Variants in KCNIP4 observed in about 807,000 individuals in gnomAD.
KCNIP4 encodes potassium voltage-gated channel interacting protein 4, also known as Kv channel-interacting protein 4.
A neutral mutation model predicts 34.0 loss-of-function variants in KCNIP4; 12 were observed. The ratio of observed to expected loss-of-function variants is 0.35; its 90% CI spans 0.23 to 0.57. The LOEUF (loss-of-function observed/expected upper bound fraction) is 0.57. KCNIP4 is among the 20% of genes least tolerant of loss of function. KCNIP4 has a pLI of 0.83. For synonymous variants in KCNIP4, 124 were observed against 102.2 expected, an observed-to-expected ratio of 1.21 and a Z score of -1.29; for missense variants, 238 against 311.7, an observed-to-expected ratio of 0.76 and a Z score of 1.78.
intron 3 of KCNIP4, among the ~76,000 whole-genome samples, chr4:20,790,597 A>G (rs1474962809): frequency 6.6e-6 from 1 of 152,034 alleles, no homozygotes; most frequent in Non-Finnish European, 1.5e-5. Context: ...TAAAAACCAT[A>G]ACATAAACAC....
rs74981010 is a variant in KCNIP4 at position 21,562,576 on chromosome 4, A to C, written c.61+385995T>G. ...TCGTGGTAACTTGATGACTTTTATT[A>C]TCAGAACCAAATAAAGAACACATGT... On this transcript the variant is annotated intron_variant, in intron 1 of 8. Coordinates refer to ENST00000382152, the MANE Select transcript of KCNIP4 (RefSeq NM_025221.6). Among the ~76,000 whole-genome samples, 685 of 152,186 alleles carry C rather than the reference A, an allele frequency of 4.5e-3. 4 individuals are homozygous for C. The highest frequency in any genetic ancestry group is 0.015 in the African/African-American group (609 of 41,552).
At chr4:21,603,327 C>T (rs923104582) in intron 1 of KCNIP4, among the ~76,000 whole-genome samples, 1 of 151,466 alleles carries the variant, frequency 6.6e-6, no homozygotes, top group Non-Finnish European at 1.5e-5. Flanking sequence ...TTTATTCAGA[C>T]TTTTTGAGTA....
intron 1 of KCNIP4, among the ~76,000 whole-genome samples, chr4:21,378,148 A>G (rs747424359): frequency 2.6e-5 from 4 of 152,164 alleles, no homozygotes; most frequent in Non-Finnish European, 4.4e-5. Context: ...CTCTCAGTCA[A>G]TCATCAAGTT....
At chr4:21,290,907 G>A (rs1021563338) in intron 1 of KCNIP4, among the ~76,000 whole-genome samples, 1 of 152,178 alleles carries the variant, frequency 6.6e-6, no homozygotes, top group Admixed American at 6.5e-5. Context: ...TGTAAGCTAA[G>A]CACTTCATGT....
intron 1 of KCNIP4, among the ~76,000 whole-genome samples, chr4:21,644,469 C>A (rs1450934564): frequency 1.3e-5 from 2 of 152,150 alleles, no homozygotes; most frequent in Non-Finnish European, 1.5e-5. Context: ...ATAATCTTGG[C>A]AATAAGACTT....
chr4:20,774,077 A>G (rs1414289157), intron 3 of KCNIP4, among the ~76,000 whole-genome samples: 1 of 152,182 alleles, frequency 6.6e-6, no homozygotes, highest in Non-Finnish European at 1.5e-5. Context: ...ATACTACCCT[A>G]TCTGGAGGTT....
intron 1 of KCNIP4, among the ~76,000 whole-genome samples, chr4:21,904,514 T>C (rs978052501): frequency 6.6e-6 from 1 of 152,202 alleles, no homozygotes; most frequent in Non-Finnish European, 1.5e-5. Flanking sequence ...ATCTGGCTGA[T>C]TGAACCAGTG....
intron 1 of KCNIP4, among the ~76,000 whole-genome samples, chr4:21,343,946 G>C (rs909089631): frequency 6.6e-6 from 1 of 151,914 alleles, no homozygotes; most frequent in Admixed American, 6.6e-5. Flanking sequence ...TACCAATACT[G>C]GTAAAAGTCA....
At chr4:21,631,619 C>G (rs1015705596) in intron 1 of KCNIP4, among the ~76,000 whole-genome samples, 14 of 152,076 alleles carry the variant, frequency 9.2e-5, no homozygotes, top group African/African-American at 3.4e-4. Context: ...GTATAAAAAC[C>G]CTCTGCTATG....
chr4:21,526,924 A>G (rs1453327610), intron 1 of KCNIP4, among the ~76,000 whole-genome samples: 2 of 152,306 alleles, frequency 1.3e-5, no homozygotes, highest in East Asian at 1.9e-4. Flanking sequence ...TATCAGATAT[A>G]ACCCACAACA....
Position 21,467,051 on chromosome 4 carries a change from C to A in KCNIP4, c.61+481520G>T, listed in dbSNP as rs528840251. 6.0e-3 allele frequency among the ~76,000 whole-genome samples: 845 copies of A among 141,118 alleles called. 12 individuals carry two copies. Among genetic ancestry groups the A allele is most frequent in the South Asian group, 9.2e-3 (39 of 4,246 alleles). 92.6% of individuals were successfully genotyped at this position (141,118 alleles called of 152,430 possible). ...TGAAAAAAATGTGACAAACCAAAAC[C>A]AAACCAAACCAAACCAAAACAAACA... On this transcript the variant is annotated intron_variant, in intron 1 of 8. Transcript: ENST00000382152.
intron 1 of KCNIP4, among the ~76,000 whole-genome samples, chr4:21,030,818 C>T (rs980435355): frequency 5.9e-5 from 9 of 152,050 alleles, no homozygotes; most frequent in East Asian, 1.9e-4. Flanking sequence ...ATTTGTGTAG[C>T]GGAACGAGGA....
intron 1 of KCNIP4, among the ~76,000 whole-genome samples, chr4:21,143,830 G>A (rs1178360544): frequency 5.3e-5 from 8 of 151,540 alleles, no homozygotes; most frequent in African/African-American, 1.9e-4. Flanking sequence ...AGCCTCCTGA[G>A]TAGCTGGGAT....
chr4:21,772,037 C>A (rs989346304), intron 1 of KCNIP4, among the ~76,000 whole-genome samples: 1 of 152,092 alleles, frequency 6.6e-6, no homozygotes, highest in Non-Finnish European at 1.5e-5. Flanking sequence ...TTTGCCCATT[C>A]AATATGATAT....
At chr4:20,955,200 T>G (rs934301706) in intron 1 of KCNIP4, among the ~76,000 whole-genome samples, 2 of 152,204 alleles carry the variant, frequency 1.3e-5, no homozygotes, top group African/African-American at 4.8e-5. Context: ...CCCTTCTGAC[T>G]AGCTTCTATG....
chr4:20,969,455 C>T lies in KCNIP4; in HGVS notation c.62-86746G>A, dbSNP rs542653225. Reference sequence around the variant, plus strand: ...AGTGAATCCTAATCAATAGCCTGTCCTGACACTGCAGTGACCCAAACCCCC... The same window carrying T: ...AGTGAATCCTAATCAATAGCCTGTCTTGACACTGCAGTGACCCAAACCCCC... On this transcript the variant is annotated intron_variant, in intron 1 of 8. Transcript: ENST00000382152. Among the ~76,000 whole-genome samples the T allele has an allele frequency of 2.0e-5, 3 of 152,288 alleles. No individual in the cohort carries two copies. In the South Asian group the frequency reaches 6.2e-4, roughly 32 times the overall value.
intron 1 of KCNIP4, among the ~76,000 whole-genome samples, chr4:21,199,543 C>A (rs183757911): frequency 9.2e-5 from 14 of 152,222 alleles, no homozygotes; most frequent in Non-Finnish European, 1.6e-4. Flanking sequence ...ATGGTAGTTT[C>A]TTTTGCTGTG....
intron 1 of KCNIP4, chr4:21,718,965 T>G (rs1714592868): frequency 2.0e-5 from 3 of 152,224 alleles, no homozygotes; most frequent in Admixed American, 2.0e-4. Context: ...TAATAAATAA[T>G]GTGCACTGCA....
chr4:21,345,141 C>A (rs1478096312), intron 1 of KCNIP4, among the ~76,000 whole-genome samples: 1 of 152,056 alleles, frequency 6.6e-6, no homozygotes, highest in African/African-American at 2.4e-5. Context: ...TGGCTTCTGT[C>A]TTGGGAGGGC....
Sources: gnomAD v4.1 joint callset for allele counts (sites outside exome capture counted in the v4.1 genomes callset) on GRCh38, gnomAD v4.1.1 for gene constraint, MANE v1.5 for transcripts, NCBI Gene and HGNC (gene_info 2026-07-23, HGNC 2026-07-21) for gene names.